RCAN2: variants seen among roughly 807,000 people sequenced by gnomAD.
The protein encoded by RCAN2 is regulator of calcineurin 2, also known as calcipressin-2.
A neutral mutation model predicts 23.6 loss-of-function variants in RCAN2; 9 were observed. That is an observed-to-expected ratio of 0.38 (90% CI 0.23 to 0.67). RCAN2 has a LOEUF of 0.67. RCAN2 is among the 30% of genes least tolerant of loss of function. RCAN2 has a pLI of 0.51. For missense variants in RCAN2, 273 were observed against 302.3 expected (o/e 0.90, Z 0.72); for synonymous variants, 109 against 115.7 (o/e 0.94, Z 0.37).
At position 46,226,393 on chromosome 6, in the gene RCAN2, G is replaced by A. The variant is rs563625949; in HGVS notation, c.572-3092C>T. On this transcript the variant is annotated intron_variant, in intron 4 of 4. Transcript: ENST00000371374. ...CCTTGGGCAGTATGGCCATTTTCAT[G>A]ATATTGATTCTTCCTATCCATGAGC... is the stretch of plus-strand genomic sequence containing the variant. Among the ~76,000 whole-genome samples, 14 of 152,230 alleles carry A rather than the reference G, an allele frequency of 9.2e-5. No homozygotes were observed. The South Asian group carries it at 1.2e-3, about 14-fold the overall frequency.
intron 2 of RCAN2, among the ~76,000 whole-genome samples, chr6:46,260,579 G>A (rs1280974565): frequency 6.6e-6 from 1 of 152,150 alleles, no homozygotes; most frequent in African/African-American, 2.4e-5. Context: ...TGCATGCCTA[G>A]GGCTCTTGTT....
chr6:46,294,052 A>G (rs187584982), intron 2 of RCAN2, among the ~76,000 whole-genome samples: 1 of 152,326 alleles, frequency 6.6e-6, no homozygotes, highest in African/African-American at 2.4e-5. Context: ...CCGTGTGCCA[A>G]GCTAAGGCAT....
intron 2 of RCAN2, among the ~76,000 whole-genome samples, chr6:46,414,169 C>G (rs369426780): frequency 1.3e-5 from 2 of 152,274 alleles, no homozygotes; most frequent in South Asian, 4.1e-4. Context: ...AATTAATTTT[C>G]TATTCTAAAT....
At chr6:46,382,450 T>C (rs1031108697) in intron 2 of RCAN2, among the ~76,000 whole-genome samples, 8 of 152,068 alleles carry the variant, frequency 5.3e-5, no homozygotes, top group Non-Finnish European at 1.2e-4. Context: ...CTTTGAATAC[T>C]AGAAAAAAAT....
chr6:46,467,565 C>A (rs1768422276), intron 1 of RCAN2, among the ~76,000 whole-genome samples: 1 of 152,150 alleles, frequency 6.6e-6, no homozygotes, highest in Non-Finnish European at 1.5e-5. Flanking sequence ...GGTCTTTTTG[C>A]ATGTACAGAA....
At chr6:46,313,323 C>T (rs2150357692) in intron 2 of RCAN2, among the ~76,000 whole-genome samples, 1 of 152,304 alleles carries the variant, frequency 6.6e-6, no homozygotes, top group Non-Finnish European at 1.5e-5. Flanking sequence ...CCTAGAGACT[C>T]ACTGAGGGCA....
At chr6:46,425,610 AT>A (rs965960485) in intron 2 of RCAN2, among the ~76,000 whole-genome samples, 93 of 152,266 alleles carry the variant, frequency 6.1e-4, no homozygotes, top group Non-Finnish European at 6.3e-4. Flanking sequence ...CTTCTTGCTC[AT>A]TTTCTACAAT....
At chr6:46,442,605 GA>G (rs913351098) in intron 2 of RCAN2, among the ~76,000 whole-genome samples, 1 of 151,686 alleles carries the variant, frequency 6.6e-6, no homozygotes, top group Admixed American at 6.5e-5. Context: ...CAAATAGGGA[GA>G]AAAAAAAGCT....
chr6:46,268,162 T>C (rs1165453171), intron 2 of RCAN2, among the ~76,000 whole-genome samples: 1 of 152,224 alleles, frequency 6.6e-6, no homozygotes, highest in Non-Finnish European at 1.5e-5. Context: ...TTTTATTCAC[T>C]TCATTAACGG....
At chr6:46,291,183 G>A (rs1025849958) in intron 2 of RCAN2, among the ~76,000 whole-genome samples, 1 of 151,868 alleles carries the variant, frequency 6.6e-6, no homozygotes, top group African/African-American at 2.4e-5. Context: ...TTTCTAAGAG[G>A]TCTTTTATTT....
intron 1 of RCAN2, among the ~76,000 whole-genome samples, chr6:46,477,329 G>T (rs1005750805): frequency 6.6e-6 from 1 of 152,130 alleles, no homozygotes; most frequent in Non-Finnish European, 1.5e-5. Context: ...GCTCTTCAAG[G>T]CTCAATTTAT....
At chr6:46,321,087 A>T (rs976736237) in intron 2 of RCAN2, among the ~76,000 whole-genome samples, 1 of 152,148 alleles carries the variant, frequency 6.6e-6, no homozygotes, top group Non-Finnish European at 1.5e-5. Flanking sequence ...AGCTCTGTAC[A>T]TGGCTCTCTA....
intron 2 of RCAN2, among the ~76,000 whole-genome samples, chr6:46,275,573 T>C (rs906494932): frequency 6.6e-6 from 1 of 152,184 alleles, no homozygotes; most frequent in Non-Finnish European, 1.5e-5. Context: ...AAAATCTTTT[T>C]TGTTGGCTTG....
intron 2 of RCAN2, among the ~76,000 whole-genome samples, chr6:46,434,219 C>T (rs964865759): frequency 6.6e-6 from 1 of 152,204 alleles, no homozygotes; most frequent in Non-Finnish European, 1.5e-5. Context: ...AGTGCTGAGC[C>T]TAACCATCTG....
intron 2 of RCAN2, among the ~76,000 whole-genome samples, chr6:46,284,668 G>T (rs1762311455): frequency 6.6e-6 from 1 of 152,172 alleles, no homozygotes; most frequent in African/African-American, 2.4e-5. Flanking sequence ...GTGAGAACAG[G>T]CTGGTGCCCG....
chr6:46,263,511 GTA>G (rs1561833984), intron 2 of RCAN2, among the ~76,000 whole-genome samples: 25 of 95,974 alleles, frequency 2.6e-4, no homozygotes, highest in South Asian at 3.8e-4. Flanking sequence ...GTATGTGTGT[GTA>G]TGTGTGTATG....
Position 46,456,769 on chromosome 6 carries a change from C to T in RCAN2, c.208G>A (p.Glu70Lys), listed in dbSNP as rs867186598. The T allele has an allele frequency of 1.3e-6, 2 of 1,550,728 alleles. No individual in the cohort carries two copies. The highest frequency in any genetic ancestry group is 2.7e-5 in the African/African-American group (2 of 73,072). The change falls in exon 2 of 5, where the codon GAA (glutamate) becomes AAA (lysine). Residue 70 changes from glutamate to lysine, a missense_variant. By Grantham distance (56) the Glu-to-Lys change is moderately conservative (BLOSUM62 1). Coordinates refer to ENST00000371374, the MANE Select transcript of RCAN2 (RefSeq NM_001251974.2). ...CAGCTTACCTTGCTCTCTTCTCCTTCAAACACTGACTGGTGAACATTGCAC... is the reference window on the plus strand; with the variant it reads ...CAGCTTACCTTGCTCTCTTCTCCTTTAAACACTGACTGGTGAACATTGCAC... ...FACNVHQSVF[E>K]GEESKEKFEG...
chr6:46,476,316 A>G (rs1768711613), intron 1 of RCAN2, among the ~76,000 whole-genome samples: 1 of 152,204 alleles, frequency 6.6e-6, no homozygotes, highest in African/African-American at 2.4e-5. Flanking sequence ...GCATGAAGTG[A>G]AACAAATAAT....
At chr6:46,258,142 C>A (rs1318465252) in intron 2 of RCAN2, among the ~76,000 whole-genome samples, 1 of 152,180 alleles carries the variant, frequency 6.6e-6, no homozygotes, top group Non-Finnish European at 1.5e-5. Context: ...CTAGAAACTG[C>A]CAAAGAGTAA....
Sources: gnomAD v4.1 joint callset for allele counts (sites outside exome capture counted in the v4.1 genomes callset) on GRCh38, gnomAD v4.1.1 for gene constraint, MANE v1.5 for transcripts, NCBI Gene and HGNC (gene_info 2026-07-23, HGNC 2026-07-21) for gene names.